The following PCDH15 variants were observed in gnomAD, a reference collection of about 807,000 sequenced individuals.
PCDH15 encodes the protein protocadherin-15.
In PCDH15, 129 loss-of-function variants were observed where a neutral mutation model predicts 178.5. The observed-to-expected ratio is 0.72, with a 90% CI of 0.63 to 0.84. The LOEUF is 0.84. Ranked by LOEUF, PCDH15 falls within the 40% of genes least tolerant of loss-of-function variation. The pLI is 0.00. For missense variants in PCDH15, 2,230 were observed against 2,099.9 expected (o/e 1.06, Z -1.21); for synonymous variants, 800 against 732.0 (o/e 1.09, Z -1.50).
At chr10:54,853,132 T>C (rs889857627) in intron 3 of PCDH15, among the ~76,000 whole-genome samples, 5 of 148,784 alleles carry the variant, frequency 3.4e-5, no homozygotes, top group Non-Finnish European at 7.5e-5. Flanking sequence ...TGGTGGCGCA[T>C]GCCTGTAATC....
intron 19 of PCDH15, among the ~76,000 whole-genome samples, chr10:54,022,597 T>A (rs1194939218): frequency 6.6e-6 from 1 of 152,134 alleles, no homozygotes; most frequent in Non-Finnish European, 1.5e-5. Context: ...TATTGTCAAC[T>A]GTTGGAATAA....
At chr10:54,926,410 T>TG (rs955098632) in intron 2 of PCDH15, among the ~76,000 whole-genome samples, 3 of 151,832 alleles carry the variant, frequency 2.0e-5, no homozygotes, top group Non-Finnish European at 2.9e-5. Flanking sequence ...CTGAAGTTTT[T>TG]TTGTTGTTGT....
At chr10:54,926,949 A>T (rs747080222) in intron 2 of PCDH15, among the ~76,000 whole-genome samples, 51 of 152,102 alleles carry the variant, frequency 3.4e-4, no homozygotes, top group Middle Eastern at 3.4e-3. Flanking sequence ...TCTATCTCAG[A>T]GTCCTTCAGT....
intron 2 of PCDH15, among the ~76,000 whole-genome samples, chr10:54,952,642 C>T (rs747888754): frequency 1.2e-4 from 18 of 151,672 alleles, no homozygotes; most frequent in Non-Finnish European, 2.2e-4. Context: ...AATATCTTTC[C>T]GTTTATTTAG....
intron 21 of PCDH15, among the ~76,000 whole-genome samples, chr10:53,973,915 A>G (rs948434901): frequency 2.6e-5 from 4 of 152,218 alleles, no homozygotes; most frequent in African/African-American, 4.8e-5. Flanking sequence ...AAATAGGAGC[A>G]TGCTATTACA....
At chr10:54,874,670 T>C (rs916563227) in intron 3 of PCDH15, among the ~76,000 whole-genome samples, 15 of 151,966 alleles carry the variant, frequency 9.9e-5, no homozygotes, top group African/African-American at 3.1e-4. Flanking sequence ...AAAAAGAAAA[T>C]GTTACTGAAA....
At chr10:53,998,648 A>T (rs953754424) in intron 20 of PCDH15, among the ~76,000 whole-genome samples, 3 of 152,214 alleles carry the variant, frequency 2.0e-5, no homozygotes, top group East Asian at 1.9e-4. Context: ...AGAGAAAAAG[A>T]TGATAAAATT....
intron 2 of PCDH15, among the ~76,000 whole-genome samples, chr10:55,488,585 A>G (rs1229015074): frequency 4.6e-5 from 7 of 151,558 alleles, no homozygotes; most frequent in Admixed American, 4.6e-4. Flanking sequence ...ATTATTATTA[A>G]TTAAGTATTA....
intron 2 of PCDH15, among the ~76,000 whole-genome samples, chr10:55,391,948 C>T (rs2132014545): frequency 6.6e-6 from 1 of 152,318 alleles, no homozygotes; most frequent in African/African-American, 2.4e-5. Context: ...ACATGCAACT[C>T]TTCCTTTCAT....
chr10:54,707,042 C>T (rs1245615646), intron 1 of PCDH15, among the ~76,000 whole-genome samples: 1 of 152,130 alleles, frequency 6.6e-6, no homozygotes, highest in Non-Finnish European at 1.5e-5. Context: ...AGGGTTTACA[C>T]ATGTTAATAG....
chr10:55,420,977 A>T (rs1455503348), intron 2 of PCDH15, among the ~76,000 whole-genome samples: 1 of 151,762 alleles, frequency 6.6e-6, no homozygotes, highest in Admixed American at 6.6e-5. Context: ...TTGTGTAAAA[A>T]TATAATAGGC....
intron 1 of PCDH15, among the ~76,000 whole-genome samples, chr10:54,672,222 A>C (rs2094688336): frequency 6.6e-6 from 1 of 151,316 alleles, no homozygotes; most frequent in African/African-American, 2.4e-5. Context: ...TATATATTAT[A>C]ATATAATAAT....
intron 3 of PCDH15, among the ~76,000 whole-genome samples, chr10:54,811,061 T>G (rs553511516): frequency 6.6e-6 from 1 of 152,158 alleles, no homozygotes; most frequent in Non-Finnish European, 1.5e-5. Flanking sequence ...GACTACAACA[T>G]TTTTACTCAT....
At position 55,591,746 on chromosome 10, in the gene PCDH15, C is replaced by A. The variant is rs1354571715; in HGVS notation, c.-156+35879G>T. Among the ~76,000 whole-genome samples, 4 of 152,066 alleles carry A rather than the reference C, an allele frequency of 2.6e-5. No homozygotes were observed. In the East Asian group the frequency reaches 7.7e-4, roughly 29 times the overall value. On this transcript the variant is annotated intron_variant, in intron 2 of 5. Coordinates refer to the PCDH15 transcript ENST00000613346. ...CATTTGACACACAGCTGTCAAACTG[C>A]ACTGTGTGTCCTTTTCCATTGTAAA...
chr10:53,892,770 T>C (rs1199556601), intron 26 of PCDH15, among the ~76,000 whole-genome samples: 2 of 152,128 alleles, frequency 1.3e-5, no homozygotes, highest in African/African-American at 2.4e-5. Context: ...GTTTCAGTTA[T>C]ATAGGAGGAA....
chr10:54,293,944 T>G (rs908102254), intron 8 of PCDH15, among the ~76,000 whole-genome samples: 7 of 152,124 alleles, frequency 4.6e-5, no homozygotes, highest in African/African-American at 1.4e-4. Context: ...GAAATACCAT[T>G]TGACCCAGCA....
intron 2 of PCDH15, among the ~76,000 whole-genome samples, chr10:55,003,442 C>A (rs1476398835): frequency 6.6e-6 from 1 of 150,534 alleles, no homozygotes; most frequent in African/African-American, 2.4e-5. Flanking sequence ...TGAAACATTG[C>A]TGTTTTTTTT....
chr10:54,783,873 T>C (rs1340857725), intron 1 of PCDH15, among the ~76,000 whole-genome samples: 5 of 152,118 alleles, frequency 3.3e-5, no homozygotes, highest in African/African-American at 2.4e-5. Context: ...TTCATAATGC[T>C]ATAAAGAACT....
chr10:54,507,334 A>T (rs540377399), intron 3 of PCDH15, among the ~76,000 whole-genome samples: 5 of 151,440 alleles, frequency 3.3e-5, no homozygotes, highest in African/African-American at 1.2e-4. Flanking sequence ...TATATAATTT[A>T]TACAAAAATA....
Sources: allele counts gnomAD v4.1 joint callset (sites outside exome capture counted in the v4.1 genomes callset), GRCh38; gene constraint gnomAD v4.1.1; transcripts MANE v1.5; gene names NCBI Gene and HGNC (gene_info 2026-07-23, HGNC 2026-07-21).